Variants in LRP1B observed in about 807,000 individuals in gnomAD.
The protein encoded by LRP1B is LDL receptor related protein 1B, also known as low-density lipoprotein receptor-related protein 1B.
A neutral mutation model predicts 556.6 loss-of-function variants in LRP1B; 217 were observed. That is an observed-to-expected ratio of 0.39 (90% confidence interval 0.35 to 0.44). LRP1B has a LOEUF of 0.44. LRP1B is among the 20% of genes least tolerant of loss of function. The pLI is 1.00. For missense variants in LRP1B, 5,053 were observed against 5,620.8 expected, an observed-to-expected ratio of 0.90 and a Z score of 3.23; for synonymous variants, 2,047 against 1,865.8, an observed-to-expected ratio of 1.10 and a Z score of -2.50.
At chr2:141,894,748 C>T (rs1699393158) in intron 1 of LRP1B, among the ~76,000 whole-genome samples, 2 of 151,740 alleles carry the variant, frequency 1.3e-5, no homozygotes, top group South Asian at 4.1e-4. Context: ...TATATATACC[C>T]ATTAAGAAAG....
intron 32 of LRP1B, among the ~76,000 whole-genome samples, chr2:140,812,186 A>G (rs987950927): frequency 6.6e-6 from 1 of 152,132 alleles, no homozygotes; most frequent in African/African-American, 2.4e-5. Flanking sequence ...TGCTTTAAGG[A>G]CCAAATTAAT....
At chr2:141,409,612 G>A (rs1248484098) in intron 3 of LRP1B, among the ~76,000 whole-genome samples, 1 of 151,950 alleles carries the variant, frequency 6.6e-6, no homozygotes, top group African/African-American at 2.4e-5. Flanking sequence ...TCTGTATCCT[G>A]TATCTATGGA....
rs1574707689 is a variant in LRP1B, at chr2:142,119,670, T to C, written c.82+10978A>G. 4.6e-5 allele frequency among the ~76,000 whole-genome samples: 7 copies of C among 152,298 alleles called. 2 individuals carry two copies. In the Middle Eastern group the frequency reaches 0.024, roughly 518 times the overall value. On this transcript the variant is annotated intron_variant, in intron 1 of 90. Transcript: ENST00000389484. ...TTCCTTCAAATAGTGTATTCCTTTC[T>C]CTTTTTTTCATATATTCTCTAGGCT...
rs756405621 is a variant in LRP1B, at chr2:140,923,076, A to G, written c.3208T>C (p.Leu1070=). The change falls in exon 21 of 91, where the codon TTG becomes CTG. Residue 1070 remains leucine, a synonymous_variant. Coordinates refer to ENST00000389484, the MANE Select transcript of LRP1B (RefSeq NM_018557.3). Reference sequence around the variant, plus strand: ...TCTTTTTCTCCATCACAGCGCCACAAATCAGGAACGCAATTACCATCAGGG... The same window carrying G: ...TCTTTTTCTCCATCACAGCGCCACAGATCAGGAACGCAATTACCATCAGGG... The part of the protein sequence containing the change: ...CHPDGNCVPD[L]WRCDGEKDCE... 1.9e-6 allele frequency: 3 copies of G among 1,613,058 alleles called. No individual in the cohort carries two copies. Among genetic ancestry groups the G allele is most frequent in the Non-Finnish European group, 8.5e-7 (1 of 1,179,378 alleles).
chr2:140,425,101 A>G (rs994795669), intron 66 of LRP1B, among the ~76,000 whole-genome samples: 1 of 151,580 alleles, frequency 6.6e-6, no homozygotes, highest in Non-Finnish European at 1.5e-5. Flanking sequence ...TGGCAGGTTT[A>G]TGAGATTGAA....
chr2:141,233,666 T>G (rs1683551613), intron 5 of LRP1B, among the ~76,000 whole-genome samples: 1 of 152,136 alleles, frequency 6.6e-6, no homozygotes, highest in African/African-American at 2.4e-5. Context: ...TATAATAATA[T>G]GATTTTGATA....
rs1372789179 is a variant in LRP1B at position 141,343,453 on chromosome 2, CA to C, written c.344-88813del. ...TTGGCTGTCAATTTTTGATTGAACA[CA>C]AGATAATGTGATTCACGCTTTTGTG... On this transcript the variant is annotated intron_variant, in intron 3 of 90. Transcript: ENST00000389484. 2.0e-5 allele frequency among the ~76,000 whole-genome samples: 3 copies of C among 152,112 alleles called. No homozygotes were observed. The East Asian group carries it at 5.8e-4, about 29-fold the overall frequency.
In LRP1B at chr2:141,013,794, C is replaced by T. The variant is rs762387004; in HGVS notation, c.2191-49G>A. On this transcript the variant is annotated intron_variant, in intron 13 of 90. Transcript: ENST00000389484. The stretch of plus-strand genomic sequence containing the variant: ...AAAAATCAGAACTGACCTTTAGAAA[C>T]ATAACTAGATATTTAGAGAAAGTGA... 4.6e-6 allele frequency: 5 copies of T among 1,089,546 alleles called. No individual in the cohort carries two copies. The South Asian group carries it at 8.6e-5, about 19-fold the overall frequency. The allele number at this position is 1,089,546 out of a possible 1,614,324, so 67.5% of individuals were successfully genotyped here.
At chr2:140,377,902 G>A (rs1284122605) in intron 68 of LRP1B, among the ~76,000 whole-genome samples, 2 of 152,190 alleles carry the variant, frequency 1.3e-5, no homozygotes, top group Admixed American at 6.5e-5. Context: ...AGGGGCATCA[G>A]CTATAGGGAA....
At chr2:140,958,342 C>T (rs767309995) in intron 18 of LRP1B, among the ~76,000 whole-genome samples, 27 of 151,470 alleles carry the variant, frequency 1.8e-4, no homozygotes, top group Non-Finnish European at 2.8e-4. Context: ...TGTAAAAAGA[C>T]ACACAGATAA....
At chr2:141,699,878 A>G (rs1049400877) in intron 2 of LRP1B, among the ~76,000 whole-genome samples, 3 of 148,892 alleles carry the variant, frequency 2.0e-5, no homozygotes, top group African/African-American at 7.4e-5. Flanking sequence ...GCATTACGAG[A>G]TAGCCCAAAT....
In LRP1B at chr2:141,390,576, T is replaced by G. The variant is rs188429822; in HGVS notation, c.343+89820A>C. 2.1e-3 allele frequency among the ~76,000 whole-genome samples: 320 copies of G among 152,358 alleles called. 1 individual carries two copies. Among genetic ancestry groups the G allele is most frequent in the South Asian group, 0.015 (71 of 4,832 alleles). ...TGAATGATAAACTGTAGTCTATACATACAATGTAATATTATTCAGACATAA... is the reference window on the plus strand; with the variant it reads ...TGAATGATAAACTGTAGTCTATACAGACAATGTAATATTATTCAGACATAA... On this transcript the variant is annotated intron_variant, in intron 3 of 90. Coordinates refer to ENST00000389484, the MANE Select transcript of LRP1B (RefSeq NM_018557.3).
intron 7 of LRP1B, among the ~76,000 whole-genome samples, chr2:141,110,770 G>T (rs1298488905): frequency 6.6e-6 from 1 of 152,038 alleles, no homozygotes; most frequent in East Asian, 1.9e-4. Context: ...CCTAAGAGGG[G>T]ATTTATAGCA....
chr2:140,337,065 A>G (rs1365263990), intron 77 of LRP1B, among the ~76,000 whole-genome samples: 1 of 151,844 alleles, frequency 6.6e-6, no homozygotes, highest in East Asian at 1.9e-4. Context: ...ATTATCAATC[A>G]GTGGACTTGG....
intron 1 of LRP1B, among the ~76,000 whole-genome samples, chr2:141,848,177 T>TA (rs1279370051): frequency 6.6e-6 from 1 of 151,498 alleles, no homozygotes; most frequent in Non-Finnish European, 1.5e-5. Context: ...GATAATTAGG[T>TA]AAAAAGGAAC....
intron 2 of LRP1B, among the ~76,000 whole-genome samples, chr2:141,689,961 A>G (rs1691454437): frequency 6.6e-6 from 1 of 151,848 alleles, no homozygotes; most frequent in South Asian, 2.1e-4. Context: ...TAAAAGCATT[A>G]TCTACTCTTG....
intron 2 of LRP1B, among the ~76,000 whole-genome samples, chr2:141,645,509 G>C (rs371776316): frequency 4.6e-5 from 2 of 43,362 alleles, no homozygotes; most frequent in Non-Finnish European, 9.0e-5. Context: ...TTTTGACTTT[G>C]TTTATTTTAT....
At chr2:141,312,147 T>G (rs1686834282) in intron 3 of LRP1B, among the ~76,000 whole-genome samples, 1 of 152,178 alleles carries the variant, frequency 6.6e-6, no homozygotes, top group Non-Finnish European at 1.5e-5. Context: ...TTACACAAAG[T>G]GTGCCTGGCT....
chr2:140,432,893 A>G (rs1361375138), intron 66 of LRP1B, among the ~76,000 whole-genome samples: 1 of 152,208 alleles, frequency 6.6e-6, no homozygotes, highest in Non-Finnish European at 1.5e-5. Flanking sequence ...GTTGGGATTC[A>G]GAAACTAATT....
Sources: allele counts gnomAD v4.1 joint callset (sites outside exome capture counted in the v4.1 genomes callset), GRCh38; gene constraint gnomAD v4.1.1; transcripts MANE v1.5; gene names NCBI Gene and HGNC (gene_info 2026-07-23, HGNC 2026-07-21).